Variants in FRG1 observed in about 807,000 individuals in gnomAD.
The protein encoded by FRG1 is protein FRG1.
FRG1 carries 19 observed loss-of-function variants against 37.0 expected under a neutral mutation model. The observed-to-expected ratio is 0.51, with a 90% CI of 0.36 to 0.75. The LOEUF (loss-of-function observed/expected upper bound fraction) is 0.75, where lower values mean the gene tolerates loss of function less well. Ranked by LOEUF, FRG1 falls within the 30% of genes least tolerant of loss-of-function variation. The pLI is 0.00. For missense variants in FRG1, 243 were observed against 301.4 expected, an observed-to-expected ratio of 0.81 and a Z score of 1.44; for synonymous variants, 73 against 96.5, an observed-to-expected ratio of 0.76 and a Z score of 1.43.
At chr4:189,942,856 A>G (rs1046936808) in intron 1 of FRG1, among the ~76,000 whole-genome samples, 4 of 152,320 alleles carry the variant, frequency 2.6e-5, no homozygotes, top group South Asian at 2.1e-4. Flanking sequence ...AATCCTCACA[A>G]TAGCCTTAAG....
chr4:189,958,265 T>C (rs1737073755), intron 6 of FRG1, among the ~76,000 whole-genome samples: 1 of 152,158 alleles, frequency 6.6e-6, no homozygotes, highest in Non-Finnish European at 1.5e-5. Context: ...GTACATAACA[T>C]TGAATATGCA....
chr4:189,945,808 T>C (rs1736504932), intron 2 of FRG1, among the ~76,000 whole-genome samples: 1 of 152,230 alleles, frequency 6.6e-6, no homozygotes, highest in East Asian at 1.9e-4. Flanking sequence ...TTCCTATTTT[T>C]GGAAATAGCT....
chr4:189,941,123 C>A (rs762242303), intron 1 of FRG1, 52 bp downstream of exon 1: 6 of 1,507,486 alleles, frequency 4.0e-6, no homozygotes, highest in Non-Finnish European at 5.5e-6. Context: ...CGGACGCACT[C>A]CACCCCCGCA....
At chr4:189,957,173 A>G (rs1737016920) in intron 5 of FRG1, among the ~76,000 whole-genome samples, 1 of 152,262 alleles carries the variant, frequency 6.6e-6, no homozygotes, top group South Asian at 2.1e-4. Context: ...TAGTCCTACT[A>G]GGAAGATACA....
intron 2 of FRG1, among the ~76,000 whole-genome samples, chr4:189,950,627 T>A (rs566731345): frequency 6.6e-6 from 1 of 152,220 alleles, no homozygotes; most frequent in Non-Finnish European, 1.5e-5. Flanking sequence ...AATGTTTAGT[T>A]GAATAGAAAA....
chr4:189,941,291 G>A (rs564914028), intron 1 of FRG1, among the ~76,000 whole-genome samples: 1 of 152,282 alleles, frequency 6.6e-6, no homozygotes, highest in East Asian at 1.9e-4. Flanking sequence ...CAGGATAGAC[G>A]GGCAGGTGAC....
At chr4:189,943,170 C>A in intron 1 of FRG1, 32 bp from the exon 2 acceptor site, 2 of 1,527,920 alleles carry the variant, frequency 1.3e-6, no homozygotes, top group Non-Finnish European at 1.8e-6. Context: ...ATCAATATAC[C>A]TAAACTCGTC....
intron 2 of FRG1, among the ~76,000 whole-genome samples, chr4:189,946,328 C>CA (rs1185876432): frequency 4.8e-5 from 6 of 124,750 alleles, no homozygotes; most frequent in South Asian, 2.6e-4. Context: ...AAAAAAAAAG[C>CA]AAAAAAATCT....
At chr4:189,941,354 C>T (rs1736289909) in intron 1 of FRG1, among the ~76,000 whole-genome samples, 1 of 152,248 alleles carries the variant, frequency 6.6e-6, no homozygotes, top group African/African-American at 2.4e-5. Context: ...CTCCAGGCCT[C>T]TGCCTGGGGG....
intron 8 of FRG1, 44 bp downstream of exon 8, chr4:189,961,976 A>C: frequency 1.0e-6 from 1 of 979,552 alleles, no homozygotes; most frequent in Non-Finnish European, 1.6e-6. Context: ...AGTAGCCAAT[A>C]GAAATGGCAT....
At chr4:189,945,013 C>T (rs1013624292) in intron 2 of FRG1, among the ~76,000 whole-genome samples, 29 of 151,914 alleles carry the variant, frequency 1.9e-4, no homozygotes, top group African/African-American at 6.0e-4. Flanking sequence ...AACATTTATT[C>T]TTAAGTATTT....
chr4:189,957,831 G>A (rs370283980), intron 6 of FRG1, among the ~76,000 whole-genome samples: 162 of 152,130 alleles, frequency 1.1e-3, no homozygotes, highest in African/African-American at 3.6e-3. Flanking sequence ...TTTTAAAATA[G>A]ATAACATGTA....
intron 2 of FRG1, among the ~76,000 whole-genome samples, chr4:189,943,537 A>C (rs1736408041): frequency 6.6e-6 from 1 of 152,240 alleles, no homozygotes; most frequent in Non-Finnish European, 1.5e-5. Flanking sequence ...TCTAATACAT[A>C]ATTTTAAAGG....
In FRG1 at chr4:189,961,558, C is replaced by T. The variant is rs184246550; in HGVS notation, c.630-264C>T. On this transcript the variant is annotated intron_variant, in intron 7 of 8. Transcript: ENST00000226798. ...GAGTAGCTGGGACTACAGGCGCGTG[C>T]CACTATGCTCGGCTAATTTTTGTAT... 6.0e-3 allele frequency: 1,389 copies of T among 231,592 alleles called. 11 individuals are homozygous for T. The highest frequency in any genetic ancestry group is 7.6e-3 in the Non-Finnish European group (914 of 119,926). 14.3% of individuals were successfully genotyped at this position (231,592 alleles called of 1,614,324 possible). A position where few individuals can be genotyped will look rare whatever the true frequency, so the allele number is the denominator to read the frequency against.
chr4:189,953,780 A>G (rs943006872), intron 4 of FRG1, among the ~76,000 whole-genome samples: 2 of 152,158 alleles, frequency 1.3e-5, no homozygotes, highest in South Asian at 2.1e-4. Context: ...AAAAAATCAC[A>G]TTAAGATGAT....
At position 189,955,152 on chromosome 4, in the gene FRG1, G is replaced by A. The variant is rs200854715; in HGVS notation, c.432+1G>A. 4 of 1,572,578 alleles carry A rather than the reference G, an allele frequency of 2.5e-6. No individual in the cohort carries two copies. The East Asian group carries it at 6.7e-5, about 26-fold the overall frequency. On this transcript the variant is annotated splice_donor_variant, in intron 5 of 8. Coordinates refer to ENST00000226798, the MANE Select transcript of FRG1 (RefSeq NM_004477.3). LOFTEE classifies it high-confidence loss of function. ...ACAATGGGAACCAGTCTTTCAAAAT[G>A]TAAGTGCTGTTATTGTTTATAAAAA...
chr4:189,956,161 A>G (rs1182506885), intron 5 of FRG1, among the ~76,000 whole-genome samples: 2 of 152,218 alleles, frequency 1.3e-5, no homozygotes, highest in Middle Eastern at 3.4e-3. Context: ...TGTGTTATGC[A>G]CCTTGATATT....
intron 8 of FRG1, among the ~76,000 whole-genome samples, chr4:189,962,207 A>T (rs1480580674): frequency 6.6e-6 from 1 of 152,200 alleles, no homozygotes; most frequent in Non-Finnish European, 1.5e-5. Context: ...TTTTATAACT[A>T]TTAGAACCAG....
chr4:189,962,502 G>A (rs1002455832), intron 8 of FRG1, among the ~76,000 whole-genome samples: 1 of 152,100 alleles, frequency 6.6e-6, no homozygotes, highest in African/African-American at 2.4e-5. Flanking sequence ...TTAAGTGCCA[G>A]ATTTTGATAA....
Sources: allele counts gnomAD v4.1 joint callset (sites outside exome capture counted in the v4.1 genomes callset), GRCh38; gene constraint gnomAD v4.1.1; transcripts MANE v1.5; gene names NCBI Gene and HGNC (gene_info 2026-07-23, HGNC 2026-07-21).